Variants in NFIB observed in about 807,000 individuals in gnomAD.
NFIB encodes the protein nuclear factor 1 B-type.
NFIB carries 11 observed loss-of-function variants against 61.5 expected under a neutral mutation model. The ratio of observed to expected loss-of-function variants is 0.18; its 90% CI spans 0.11 to 0.30. The LOEUF (loss-of-function observed/expected upper bound fraction) is 0.30. NFIB is among the 10% of genes least tolerant of loss of function. The probability of loss-of-function intolerance (pLI) is 1.00; values close to 1 mark genes in which losing one functional copy is unlikely to be tolerated. For synonymous variants in NFIB, 260 were observed against 216.5 expected (o/e 1.20, Z -1.76); for missense variants, 471 against 608.9 (o/e 0.77, Z 2.38).
chr9:14,194,705 G>A (rs1021893449), intron 2 of NFIB, among the ~76,000 whole-genome samples: 1 of 152,064 alleles, frequency 6.6e-6, no homozygotes, highest in African/African-American at 2.4e-5. Flanking sequence ...ATTATACTAA[G>A]CAGATAGCAA....
intron 1 of NFIB, among the ~76,000 whole-genome samples, chr9:14,359,601 C>G (rs895522489): frequency 6.6e-6 from 1 of 152,088 alleles, no homozygotes; most frequent in Non-Finnish European, 1.5e-5. Flanking sequence ...TTGTTTTAAG[C>G]CACCAGTTTT....
Position 14,199,144 on chromosome 9 carries a change from CAGAA to C in NFIB, c.563-19368_563-19365del, listed in dbSNP as rs373754884. On this transcript the variant is annotated intron_variant, in intron 2 of 10. Coordinates refer to ENST00000380953, the MANE Select transcript of NFIB (RefSeq NM_001190737.2). ...TCTACAGCTTTTTCCAAGTCGAACA[CAGAA>C]GGATTAAAAAGAAAACACAAATATT... 4.6e-3 allele frequency among the ~76,000 whole-genome samples: 703 copies of C among 152,306 alleles called. 5 individuals are homozygous for C. The highest frequency in any genetic ancestry group is 0.016 in the African/African-American group (669 of 41,554).
chr9:14,160,217 T>A (rs543853872), intron 3 of NFIB, among the ~76,000 whole-genome samples: 1 of 152,332 alleles, frequency 6.6e-6, no homozygotes, highest in Non-Finnish European at 1.5e-5. Flanking sequence ...TTTTTTATTT[T>A]TCTCTGACAA....
intron 1 of NFIB, among the ~76,000 whole-genome samples, chr9:14,340,384 C>T (rs1014938188): frequency 6.6e-6 from 1 of 152,116 alleles, no homozygotes; most frequent in South Asian, 2.1e-4. Flanking sequence ...TTAGAATCGC[C>T]CAGGGGAACT....
chr9:14,264,636 T>C (rs2057050265), intron 2 of NFIB, among the ~76,000 whole-genome samples: 1 of 152,194 alleles, frequency 6.6e-6, no homozygotes, highest in Admixed American at 6.5e-5. Flanking sequence ...CGATCTGCTA[T>C]ATGTCCCCTA....
chr9:14,273,228 C>G (rs1181565457), intron 2 of NFIB, among the ~76,000 whole-genome samples: 1 of 152,050 alleles, frequency 6.6e-6, no homozygotes, highest in Non-Finnish European at 1.5e-5. Flanking sequence ...TCATCAATCC[C>G]AAAAAGAAAC....
the NFIB span, among the ~76,000 whole-genome samples, chr9:14,454,566 C>A: frequency 6.6e-6 from 1 of 152,166 alleles, no homozygotes; most frequent in Non-Finnish European, 1.5e-5. Flanking sequence ...ACCATTTTCT[C>A]TTAGTCCTTT....
chr9:14,401,843 T>G (rs993829340), upstream of NFIB, among the ~76,000 whole-genome samples: 1 of 152,172 alleles, frequency 6.6e-6, no homozygotes, highest in Non-Finnish European at 1.5e-5. Flanking sequence ...CAATCCCTAA[T>G]GTGCTTCATT....
chr9:14,485,326 A>G, the NFIB span, among the ~76,000 whole-genome samples: 2 of 151,504 alleles, frequency 1.3e-5, no homozygotes, highest in African/African-American at 4.9e-5. Context: ...TAAACCCCAA[A>G]TTGCAGATAA....
chr9:14,460,103 A>G, the NFIB span, among the ~76,000 whole-genome samples: 61,824 of 151,774 alleles, frequency 0.41, 13,508 homozygotes, highest in Admixed American at 0.52. Flanking sequence ...CAATAGCAAA[A>G]ACTTGGAACC....
At chr9:14,264,642 C>T (rs1358156812) in intron 2 of NFIB, among the ~76,000 whole-genome samples, 1 of 151,586 alleles carries the variant, frequency 6.6e-6, no homozygotes, top group Non-Finnish European at 1.5e-5. Flanking sequence ...GCTATATGTC[C>T]CCTACAATAT....
chr9:14,291,792 G>A (rs2059119511), intron 2 of NFIB, among the ~76,000 whole-genome samples: 1 of 146,452 alleles, frequency 6.8e-6, no homozygotes. Flanking sequence ...TTAAAAATCT[G>A]ACTTTCAGTT....
chr9:14,426,767 G>A, the NFIB span, among the ~76,000 whole-genome samples: 1 of 151,944 alleles, frequency 6.6e-6, no homozygotes, highest in Non-Finnish European at 1.5e-5. Flanking sequence ...CTTTGATATG[G>A]GCCCCTCCCA....
At chr9:14,327,956 A>T (rs746585022) in intron 1 of NFIB, among the ~76,000 whole-genome samples, 1 of 152,226 alleles carries the variant, frequency 6.6e-6, no homozygotes, top group South Asian at 2.1e-4. Context: ...GCAGTGGTAG[A>T]TGGAAAAATT....
chr9:14,372,997 G>A (rs962910951), intron 1 of NFIB, among the ~76,000 whole-genome samples: 1 of 151,612 alleles, frequency 6.6e-6, no homozygotes, highest in Non-Finnish European at 1.5e-5. Flanking sequence ...TGGGGGGTGG[G>A]GACTGATTCC....
intron 1 of NFIB, among the ~76,000 whole-genome samples, chr9:14,344,819 AC>A: frequency 6.6e-6 from 1 of 152,328 alleles, no homozygotes; most frequent in African/African-American, 2.4e-5. Flanking sequence ...GGGCATACAT[AC>A]TAAAAGAACT....
At chr9:14,199,091 G>C (rs1247897566) in intron 2 of NFIB, among the ~76,000 whole-genome samples, 2 of 152,222 alleles carry the variant, frequency 1.3e-5, no homozygotes, top group African/African-American at 2.4e-5. Flanking sequence ...GATCCAAAGT[G>C]ACCCAGGTTC....
At chr9:14,350,195 A>C (rs1466622692) in intron 1 of NFIB, among the ~76,000 whole-genome samples, 1 of 152,212 alleles carries the variant, frequency 6.6e-6, no homozygotes, top group Non-Finnish European at 1.5e-5. Context: ...GATAATAAAC[A>C]ATGCCGCTTA....
chr9:14,362,822 G>C (rs1424019954), intron 1 of NFIB: 2 of 152,110 alleles, frequency 1.3e-5, no homozygotes, highest in South Asian at 2.1e-4. Flanking sequence ...CTTGGGCCCA[G>C]GTCGTTGAGG....
Sources: gnomAD v4.1 joint callset for allele counts (sites outside exome capture counted in the v4.1 genomes callset) on GRCh38, gnomAD v4.1.1 for gene constraint, MANE v1.5 for transcripts, NCBI Gene and HGNC (gene_info 2026-07-23, HGNC 2026-07-21) for gene names.